The following GRID1 variants were observed in gnomAD, a reference collection of about 807,000 sequenced individuals.
The protein encoded by GRID1 is glutamate ionotropic receptor delta type subunit 1.
GRID1 carries 28 observed loss-of-function variants against 98.0 expected under a neutral mutation model. That is an observed-to-expected ratio of 0.29 (90% CI 0.21 to 0.39). The LOEUF is 0.39. Among genes scored for constraint, GRID1 ranks in the 10% least tolerant of loss-of-function variants. The pLI is 1.00. For synonymous variants in GRID1, 553 were observed against 538.5 expected, an observed-to-expected ratio of 1.03 and a Z score of -0.37; for missense variants, 1,111 against 1,340.5, an observed-to-expected ratio of 0.83 and a Z score of 2.67.
At position 85,960,091 on chromosome 10, in the gene GRID1, G is replaced by T. The variant is rs143181934; in HGVS notation, c.727-43852C>A. Among the ~76,000 whole-genome samples the T allele has an allele frequency of 7.0e-3, 1,061 of 152,088 alleles. 7 individuals carry two copies. Among genetic ancestry groups the T allele is most frequent in the Middle Eastern group, 0.024 (7 of 292 alleles). ...AGAGACAGGGTTTCACCATTTTTTG[G>T]TAGAGACAGGGTTGGCCAGGCTGGT... is the stretch of plus-strand genomic sequence containing the variant. On this transcript the variant is annotated intron_variant, in intron 4 of 15. Coordinates refer to ENST00000327946, the MANE Select transcript of GRID1 (RefSeq NM_017551.3).
At chr10:85,846,384 C>T (rs906090446) in intron 8 of GRID1, among the ~76,000 whole-genome samples, 1 of 152,054 alleles carries the variant, frequency 6.6e-6, no homozygotes, top group Admixed American at 6.6e-5. Flanking sequence ...ATCAGCCAGG[C>T]ATAGTGGCAT....
intron 4 of GRID1, among the ~76,000 whole-genome samples, chr10:86,014,203 A>G (rs980428577): frequency 2.6e-5 from 4 of 152,218 alleles, no homozygotes; most frequent in Admixed American, 6.5e-5. Flanking sequence ...GAACTCACAC[A>G]AGTTAAACAT....
chr10:85,805,003 A>C (rs1355646771), intron 8 of GRID1, among the ~76,000 whole-genome samples: 4 of 151,688 alleles, frequency 2.6e-5, no homozygotes, highest in African/African-American at 9.7e-5. Context: ...GGGAGGAGAG[A>C]GAAGGGAGAA....
At chr10:85,994,591 T>C (rs1327351397) in intron 4 of GRID1, among the ~76,000 whole-genome samples, 1 of 152,146 alleles carries the variant, frequency 6.6e-6, no homozygotes, top group Non-Finnish European at 1.5e-5. Context: ...CCATTCTGGT[T>C]GGAATATGGA....
intron 3 of GRID1, among the ~76,000 whole-genome samples, chr10:86,149,632 CT>C (rs1845135325): frequency 1.3e-5 from 2 of 152,252 alleles, no homozygotes; most frequent in South Asian, 2.1e-4. Flanking sequence ...AACGTCTACT[CT>C]GGCACTTTCG....
chr10:86,230,214 C>T (rs1338028731), intron 2 of GRID1, among the ~76,000 whole-genome samples: 1 of 152,224 alleles, frequency 6.6e-6, no homozygotes, highest in Non-Finnish European at 1.5e-5. Context: ...ACAGTCCCGC[C>T]CCATCCCAGA....
At chr10:85,864,653 T>C (rs1021203008) in intron 6 of GRID1, among the ~76,000 whole-genome samples, 1 of 152,168 alleles carries the variant, frequency 6.6e-6, no homozygotes, top group Non-Finnish European at 1.5e-5. Context: ...ACCAACAGGT[T>C]GACAAAAACC....
chr10:85,717,248 G>A (rs1269993886), intron 12 of GRID1, among the ~76,000 whole-genome samples: 1 of 152,038 alleles, frequency 6.6e-6, no homozygotes, highest in East Asian at 1.9e-4. Context: ...TCAACAAATA[G>A]TGCTGGAGGA....
intron 5 of GRID1, among the ~76,000 whole-genome samples, chr10:85,904,930 A>G (rs1000429479): frequency 6.6e-6 from 1 of 152,176 alleles, no homozygotes; most frequent in Admixed American, 6.5e-5. Flanking sequence ...GAAAAATATT[A>G]GAAAATATAA....
At chr10:86,296,128 A>G (rs1428581537) in intron 2 of GRID1, among the ~76,000 whole-genome samples, 1 of 152,232 alleles carries the variant, frequency 6.6e-6, no homozygotes, top group Admixed American at 6.5e-5. Context: ...CCCATCTCCA[A>G]TGTCCCCATA....
chr10:85,691,973 A>G (rs928581344), intron 12 of GRID1, among the ~76,000 whole-genome samples: 2 of 151,766 alleles, frequency 1.3e-5, no homozygotes, highest in Non-Finnish European at 2.9e-5. Context: ...AGCCCTCTCG[A>G]TAGTTCTACA....
chr10:86,065,207 C>T (rs910792089), intron 4 of GRID1, among the ~76,000 whole-genome samples: 3 of 152,232 alleles, frequency 2.0e-5, no homozygotes, highest in South Asian at 4.1e-4. Context: ...GGACCAGCAG[C>T]GTCAGCATCA....
At chr10:86,134,673 C>T (rs1844889631) in intron 4 of GRID1, among the ~76,000 whole-genome samples, 1 of 152,156 alleles carries the variant, frequency 6.6e-6, no homozygotes, top group South Asian at 2.1e-4. Context: ...CTGCATCACA[C>T]ACAAGTTCCT....
At chr10:85,879,630 A>G (rs181820708) in intron 5 of GRID1, among the ~76,000 whole-genome samples, 7,212 of 152,240 alleles carry the variant, frequency 0.047, 251 homozygotes, top group Non-Finnish European at 0.071. Context: ...CAGTGTGTAG[A>G]GGGAAATTTA....
intron 2 of GRID1, among the ~76,000 whole-genome samples, chr10:86,354,649 T>C (rs1848509798): frequency 6.6e-6 from 1 of 152,218 alleles, no homozygotes; most frequent in South Asian, 2.1e-4. Context: ...ATTTGGGAAC[T>C]GAACCCACAC....
chr10:86,242,684 C>T (rs528371025), intron 2 of GRID1, among the ~76,000 whole-genome samples: 38 of 152,324 alleles, frequency 2.5e-4, no homozygotes, highest in South Asian at 8.3e-4. Context: ...CAGGCCACCT[C>T]GTCCAAAAGG....
intron 11 of GRID1, 142 bp from the exon 12 acceptor site, chr10:85,723,283 T>C (rs1311491452): frequency 4.0e-6 from 3 of 746,656 alleles, no homozygotes; most frequent in Non-Finnish European, 6.1e-6. Context: ...CAGCTGGGTC[T>C]GGGCATCTGT....
intron 4 of GRID1, among the ~76,000 whole-genome samples, chr10:86,032,325 G>A (rs1344008393): frequency 1.3e-5 from 2 of 152,214 alleles, no homozygotes; most frequent in African/African-American, 4.8e-5. Context: ...TCTGGGAGGT[G>A]TACCCAGCAG....
At chr10:86,046,090 C>A (rs2131902222) in intron 4 of GRID1, among the ~76,000 whole-genome samples, 1 of 152,192 alleles carries the variant, frequency 6.6e-6, no homozygotes, top group Admixed American at 6.5e-5. Context: ...TAAGACACAC[C>A]CACCGTTGTG....
Sources: allele counts gnomAD v4.1 joint callset (sites outside exome capture counted in the v4.1 genomes callset), GRCh38; gene constraint gnomAD v4.1.1; transcripts MANE v1.5; gene names NCBI Gene and HGNC (gene_info 2026-07-23, HGNC 2026-07-21).